Variants in MOSMO observed in about 807,000 individuals in gnomAD.
MOSMO encodes the protein modulator of smoothened protein.
In MOSMO, 5 loss-of-function variants were observed where a neutral mutation model predicts 18.4. The observed-to-expected ratio is 0.27, with a 90% CI of 0.14 to 0.57. The LOEUF (loss-of-function observed/expected upper bound fraction) is 0.57. MOSMO is among the 20% of genes least tolerant of loss of function. The pLI is 0.92. For missense variants in MOSMO, 138 were observed against 211.8 expected (o/e 0.65, Z 2.16); for synonymous variants, 82 against 82.3 (o/e 1.00, Z 0.02).
intron 1 of MOSMO, among the ~76,000 whole-genome samples, chr16:22,046,582 C>T (rs534720647): frequency 6.6e-6 from 1 of 152,244 alleles, no homozygotes; most frequent in East Asian, 1.9e-4. Context: ...CACATATTTT[C>T]TCTGAAAGGG....
At chr16:22,016,244 G>T (rs2141980856) in intron 1 of MOSMO, among the ~76,000 whole-genome samples, 1 of 152,246 alleles carries the variant, frequency 6.6e-6, no homozygotes, top group South Asian at 2.1e-4. Flanking sequence ...ATAAAATGGA[G>T]ACAATACATT....
chr16:22,065,631 A>G (rs1413306988), intron 1 of MOSMO, among the ~76,000 whole-genome samples: 3 of 152,142 alleles, frequency 2.0e-5, no homozygotes, highest in Non-Finnish European at 4.4e-5. Flanking sequence ...CAAAAAAAAA[A>G]TATATCTAAT....
chr16:22,025,355 A>T (rs899043277), intron 1 of MOSMO, among the ~76,000 whole-genome samples: 13 of 152,160 alleles, frequency 8.5e-5, no homozygotes, highest in Admixed American at 7.9e-4. Flanking sequence ...TTATCTTAAA[A>T]ATTGATCATA....
At chr16:22,044,944 G>C (rs1874403492) in intron 1 of MOSMO, among the ~76,000 whole-genome samples, 1 of 151,948 alleles carries the variant, frequency 6.6e-6, no homozygotes, top group African/African-American at 2.4e-5. Flanking sequence ...GGGAGACCAG[G>C]GTGGGCAGAT....
intron 1 of MOSMO, among the ~76,000 whole-genome samples, chr16:22,072,524 T>C (rs1013052403): frequency 1.4e-4 from 22 of 152,190 alleles, no homozygotes; most frequent in African/African-American, 5.1e-4. Flanking sequence ...AAAATATTTG[T>C]GTATTGGCTG....
chr16:22,061,497 T>G (rs1351283292), intron 1 of MOSMO, among the ~76,000 whole-genome samples: 2 of 152,236 alleles, frequency 1.3e-5, no homozygotes, highest in East Asian at 3.8e-4. Context: ...CTCCTATGTA[T>G]TGTGCTTTTT....
At chr16:22,050,232 A>G (rs937230136) in intron 1 of MOSMO, among the ~76,000 whole-genome samples, 6 of 152,234 alleles carry the variant, frequency 3.9e-5, no homozygotes, top group African/African-American at 1.4e-4. Context: ...AGCTAGAGAC[A>G]GAACTGTACA....
chr16:22,027,359 C>G (rs1340648411), intron 1 of MOSMO, among the ~76,000 whole-genome samples: 1 of 152,110 alleles, frequency 6.6e-6, no homozygotes, highest in East Asian at 1.9e-4. Context: ...AAAATTTAAC[C>G]GTTATACAAA....
intron 1 of MOSMO, among the ~76,000 whole-genome samples, chr16:22,066,086 A>G (rs1035380792): frequency 6.6e-6 from 1 of 152,186 alleles, no homozygotes; most frequent in Non-Finnish European, 1.5e-5. Context: ...CCTCACAGCT[A>G]TAGTAGCTGT....
At position 22,069,312 on chromosome 16, in the gene MOSMO, A is replaced by G. The variant is rs549181877; in HGVS notation, c.107-6175A>G. ...AAGGAGATATATGAATTAGGAATTA[A>G]TCTAAGAATTAGAGCATCAAGTATG... On this transcript the variant is annotated intron_variant, in intron 1 of 2. Coordinates refer to ENST00000542527, the MANE Select transcript of MOSMO (RefSeq NM_001164579.2). 1.2e-4 allele frequency among the ~76,000 whole-genome samples: 19 copies of G among 152,310 alleles called. No individual in the cohort carries two copies. In the East Asian group the frequency reaches 3.1e-3, roughly 25 times the overall value.
chr16:22,075,873 G>T (rs1900958017), intron 2 of MOSMO, 174 bp downstream of exon 2: 2 of 553,682 alleles, frequency 3.6e-6, no homozygotes, highest in Admixed American at 3.0e-5. Flanking sequence ...AACTCTTTCT[G>T]CAAGACCAGG....
chr16:22,078,016 C>T (rs925437418), intron 2 of MOSMO, among the ~76,000 whole-genome samples: 1 of 151,816 alleles, frequency 6.6e-6, no homozygotes, highest in African/African-American at 2.4e-5. Context: ...TTCTGATGGC[C>T]GTGCACAGTG....
At chr16:22,091,810 A>G (rs186847602), downstream of MOSMO, among the ~76,000 whole-genome samples, 1 of 152,342 alleles carries the variant, frequency 6.6e-6, no homozygotes, top group Non-Finnish European at 1.5e-5. Flanking sequence ...AGCGACTTAC[A>G]AGTTGGTTGA....
At chr16:22,086,607 C>T (rs867662015), downstream of MOSMO, among the ~76,000 whole-genome samples, 4 of 152,162 alleles carry the variant, frequency 2.6e-5, no homozygotes, top group Admixed American at 6.6e-5. Context: ...ATGTAACTTA[C>T]GTGAGCCTTG....
chr16:22,024,015 A>ATATATATATATATATATATT (rs915616422), intron 1 of MOSMO, among the ~76,000 whole-genome samples: 6 of 136,362 alleles, frequency 4.4e-5, no homozygotes, highest in East Asian at 5.4e-4. Flanking sequence ...ATATATATAT[A>ATATATATATATATATATATT]TTTTCTTAAG....
At chr16:22,070,662 C>CT (rs1047340197) in intron 1 of MOSMO, among the ~76,000 whole-genome samples, 56 of 151,536 alleles carry the variant, frequency 3.7e-4, no homozygotes, top group South Asian at 1.3e-3. Flanking sequence ...CCTGTTCACT[C>CT]TTTTTTTTTG....
intron 1 of MOSMO, among the ~76,000 whole-genome samples, chr16:22,044,904 G>A (rs928522736): frequency 3.9e-5 from 6 of 152,110 alleles, no homozygotes; most frequent in Admixed American, 2.0e-4. Context: ...GACCAGAAGC[G>A]GTGGCTCACA....
At chr16:22,049,107 G>T (rs1042635803) in intron 1 of MOSMO, among the ~76,000 whole-genome samples, 1 of 152,140 alleles carries the variant, frequency 6.6e-6, no homozygotes, top group Admixed American at 6.6e-5. Flanking sequence ...GTTTTTACTG[G>T]AGAGTATTTT....
At chr16:22,011,345 A>G (rs1363582014) in intron 1 of MOSMO, among the ~76,000 whole-genome samples, 1 of 152,252 alleles carries the variant, frequency 6.6e-6, no homozygotes, top group Non-Finnish European at 1.5e-5. Flanking sequence ...TGAAGGCTTC[A>G]TTCAAGGTTG....
Sources: gnomAD v4.1 joint callset for allele counts (sites outside exome capture counted in the v4.1 genomes callset) on GRCh38, gnomAD v4.1.1 for gene constraint, MANE v1.5 for transcripts, NCBI Gene and HGNC (gene_info 2026-07-23, HGNC 2026-07-21) for gene names.